Variants in KCNQ5 observed in about 807,000 individuals in gnomAD.
KCNQ5 encodes the protein potassium voltage-gated channel subfamily KQT member 5.
A neutral mutation model predicts 98.2 loss-of-function variants in KCNQ5; 30 were observed. The observed-to-expected ratio is 0.31, with a 90% CI of 0.23 to 0.41. The LOEUF (loss-of-function observed/expected upper bound fraction) is 0.41, where lower values mean the gene tolerates loss of function less well. Among genes scored for constraint, KCNQ5 ranks in the 10% least tolerant of loss-of-function variants. The probability of loss-of-function intolerance (pLI) is 1.00; values close to 1 mark genes in which losing one functional copy is unlikely to be tolerated. For synonymous variants in KCNQ5, 458 were observed against 449.4 expected (o/e 1.02, Z -0.24); for missense variants, 835 against 1,182.5 (o/e 0.71, Z 4.31).
intron 1 of KCNQ5, among the ~76,000 whole-genome samples, chr6:72,965,858 C>T (rs1411277820): frequency 1.3e-5 from 2 of 152,144 alleles, no homozygotes; most frequent in African/African-American, 2.4e-5. Flanking sequence ...AGAGGATCTG[C>T]TGCACATTTT....
chr6:73,063,642 T>C (rs1772883513), intron 3 of KCNQ5, among the ~76,000 whole-genome samples: 1 of 141,206 alleles, frequency 7.1e-6, no homozygotes, highest in African/African-American at 2.6e-5. Flanking sequence ...CCCACTGAAA[T>C]ACAGATAGAT....
At chr6:72,679,557 A>T (rs1395050385) in intron 1 of KCNQ5, among the ~76,000 whole-genome samples, 77 of 109,798 alleles carry the variant, frequency 7.0e-4, no homozygotes, top group African/African-American at 2.7e-3. Context: ...GGAACATCAC[A>T]CTCTGGGGAC....
chr6:72,872,256 T>A (rs1194078650), intron 1 of KCNQ5, among the ~76,000 whole-genome samples: 1 of 152,234 alleles, frequency 6.6e-6, no homozygotes, highest in Admixed American at 6.5e-5. Flanking sequence ...CTGACATTTT[T>A]AAATTCTAAT....
Position 72,695,153 on chromosome 6 carries a change from C to T in KCNQ5, c.398+72566C>T, listed in dbSNP as rs116609041. Among the ~76,000 whole-genome samples, 724 of 152,166 alleles carry T rather than the reference C, an allele frequency of 4.8e-3. 7 individuals are homozygous for T. The highest frequency in any genetic ancestry group is 0.017 in the African/African-American group (687 of 41,536). On this transcript the variant is annotated intron_variant, in intron 1 of 13. Coordinates refer to ENST00000370398, the MANE Select transcript of KCNQ5 (RefSeq NM_019842.4). ...GGTCAATTCTATGTCTTTGCTATTA[C>T]GGTTAGTGCTGCATTGTACATATAC... is the stretch of plus-strand genomic sequence containing the variant.
chr6:73,183,697 T>G (rs1778478017), intron 11 of KCNQ5, among the ~76,000 whole-genome samples: 1 of 152,204 alleles, frequency 6.6e-6, no homozygotes, highest in South Asian at 2.1e-4. Context: ...TACCTTCTAT[T>G]TTGATCATGA....
chr6:73,000,535 G>A (rs1001266865), intron 1 of KCNQ5, among the ~76,000 whole-genome samples: 20 of 152,238 alleles, frequency 1.3e-4, no homozygotes, highest in South Asian at 8.3e-4. Flanking sequence ...TTTCCACGTG[G>A]ATGTCTAAAA....
At chr6:72,939,784 T>G (rs1428978794) in intron 1 of KCNQ5, among the ~76,000 whole-genome samples, 2 of 152,198 alleles carry the variant, frequency 1.3e-5, no homozygotes, top group Non-Finnish European at 2.9e-5. Flanking sequence ...ATCTCCCAAC[T>G]GAGCTGGTAT....
intron 7 of KCNQ5, among the ~76,000 whole-genome samples, chr6:73,112,431 C>T (rs1299296206): frequency 3.3e-5 from 5 of 151,686 alleles, no homozygotes; most frequent in African/African-American, 4.8e-5. Flanking sequence ...CTGCAAGCTC[C>T]GCCTCCTGGG....
intron 1 of KCNQ5, among the ~76,000 whole-genome samples, chr6:72,636,880 C>G (rs1265295133): frequency 6.6e-6 from 1 of 152,128 alleles, no homozygotes; most frequent in African/African-American, 2.4e-5. Flanking sequence ...GCTATTGCTC[C>G]TTTTGAAGGG....
At chr6:72,638,113 C>T (rs191906648) in intron 1 of KCNQ5, among the ~76,000 whole-genome samples, 1 of 152,282 alleles carries the variant, frequency 6.6e-6, no homozygotes, top group African/African-American at 2.4e-5. Context: ...GGAAAGAAAA[C>T]TATGTAGTCA....
chr6:72,880,496 G>T (rs751165395), intron 1 of KCNQ5, among the ~76,000 whole-genome samples: 1 of 152,102 alleles, frequency 6.6e-6, no homozygotes, highest in Non-Finnish European at 1.5e-5. Flanking sequence ...TTTGACATAC[G>T]AATTTGAAGG....
chr6:72,755,726 A>G (rs967371688), intron 1 of KCNQ5, among the ~76,000 whole-genome samples: 2 of 152,212 alleles, frequency 1.3e-5, no homozygotes, highest in Non-Finnish European at 2.9e-5. Context: ...ACGGTCAATT[A>G]TCTTTAAAGG....
chr6:73,193,803 CTT>C (rs987201912), intron 13 of KCNQ5, among the ~76,000 whole-genome samples: 4 of 146,558 alleles, frequency 2.7e-5, no homozygotes, highest in Admixed American at 2.7e-4. Context: ...ATAGAGGAGA[CTT>C]AGGAAAGACA....
At chr6:72,985,522 G>C (rs1768726653) in intron 1 of KCNQ5, among the ~76,000 whole-genome samples, 1 of 152,130 alleles carries the variant, frequency 6.6e-6, no homozygotes, top group Non-Finnish European at 1.5e-5. Flanking sequence ...CAAGAGATCA[G>C]AGCTATGAAA....
chr6:73,091,493 TA>T (rs991445378), intron 5 of KCNQ5, among the ~76,000 whole-genome samples: 1 of 151,704 alleles, frequency 6.6e-6, no homozygotes, highest in Non-Finnish European at 1.5e-5. Context: ...AATTCAGCCT[TA>T]AAAAAAAGAA....
intron 1 of KCNQ5, among the ~76,000 whole-genome samples, chr6:72,967,431 G>T (rs757102382): frequency 6.6e-6 from 1 of 152,086 alleles, no homozygotes; most frequent in Non-Finnish European, 1.5e-5. Flanking sequence ...TGAGGAAAAT[G>T]TATGGTGAAA....
At chr6:73,112,470 C>G (rs1422448843) in intron 7 of KCNQ5, among the ~76,000 whole-genome samples, 2 of 151,970 alleles carry the variant, frequency 1.3e-5, no homozygotes, top group Non-Finnish European at 2.9e-5. Context: ...CTCAGCCTCC[C>G]GAGTAGCTGG....
intron 1 of KCNQ5, among the ~76,000 whole-genome samples, chr6:72,759,104 G>A (rs1772121029): frequency 6.6e-6 from 1 of 152,172 alleles, no homozygotes; most frequent in Non-Finnish European, 1.5e-5. Context: ...GATACTTCTT[G>A]TTTCAGGTGA....
At chr6:72,810,126 C>T (rs897694544) in intron 1 of KCNQ5, among the ~76,000 whole-genome samples, 1 of 152,184 alleles carries the variant, frequency 6.6e-6, no homozygotes, top group African/African-American at 2.4e-5. Context: ...GTTACATCAG[C>T]GCCCAGAGAA....
Sources: gnomAD v4.1 joint callset for allele counts (sites outside exome capture counted in the v4.1 genomes callset) on GRCh38, gnomAD v4.1.1 for gene constraint, MANE v1.5 for transcripts, NCBI Gene and HGNC (gene_info 2026-07-23, HGNC 2026-07-21) for gene names.